CCDC73: variants seen among roughly 807,000 people sequenced by gnomAD.
The protein encoded by CCDC73 is coiled-coil domain-containing protein 73.
CCDC73 carries 95 observed loss-of-function variants against 116.5 expected under a neutral mutation model. The observed-to-expected ratio is 0.82, with a 90% CI of 0.69 to 0.97. The LOEUF is 0.97. Among genes scored for constraint, CCDC73 ranks in the 50% least tolerant of loss-of-function variants. CCDC73 has a pLI of 0.00. For synonymous variants in CCDC73, 398 were observed against 401.3 expected, an observed-to-expected ratio of 0.99 and a Z score of 0.10; for missense variants, 1,066 against 1,206.8, an observed-to-expected ratio of 0.88 and a Z score of 1.73.
At chr11:32,672,960 G>A (rs540399106) in intron 9 of CCDC73, among the ~76,000 whole-genome samples, 61 of 152,168 alleles carry the variant, frequency 4.0e-4, no homozygotes, top group East Asian at 1.4e-3. Flanking sequence ...TAACAGTGAA[G>A]ATATACATAT....
the CCDC73 span, among the ~76,000 whole-genome samples, chr11:32,812,566 G>T: frequency 1.3e-5 from 2 of 152,124 alleles, no homozygotes; most frequent in Non-Finnish European, 2.9e-5. Context: ...CTACTCGGGA[G>T]GCTGAGGCAG....
intron 1 of CCDC73, among the ~76,000 whole-genome samples, chr11:32,763,624 C>G (rs1850412052): frequency 6.6e-6 from 1 of 152,064 alleles, no homozygotes; most frequent in African/African-American, 2.4e-5. Flanking sequence ...ATGTCACCAT[C>G]ATCAAAGACC....
chr11:32,652,522 T>G (rs1384431393), intron 12 of CCDC73, among the ~76,000 whole-genome samples: 1 of 152,160 alleles, frequency 6.6e-6, no homozygotes, highest in Non-Finnish European at 1.5e-5. Context: ...TCCTGTACAT[T>G]TCTTCACTCA....
intron 9 of CCDC73, among the ~76,000 whole-genome samples, chr11:32,658,907 G>A (rs1855897520): frequency 6.6e-6 from 1 of 152,074 alleles, no homozygotes; most frequent in African/African-American, 2.4e-5. Context: ...AATGCGAAAG[G>A]AAGAAACACA....
At chr11:32,651,341 T>C (rs1855824436) in intron 12 of CCDC73, among the ~76,000 whole-genome samples, 1 of 152,196 alleles carries the variant, frequency 6.6e-6, no homozygotes, top group East Asian at 1.9e-4. Flanking sequence ...AGACAACTGT[T>C]GTTATGTCTC....
chr11:32,633,122 C>T (rs767466563), intron 14 of CCDC73, among the ~76,000 whole-genome samples: 8 of 152,124 alleles, frequency 5.3e-5, no homozygotes, highest in Admixed American at 3.9e-4. Context: ...GGCACGATCT[C>T]GGCTCACTGC....
At chr11:32,723,335 T>C (rs1265595979) in intron 2 of CCDC73, among the ~76,000 whole-genome samples, 1 of 152,184 alleles carries the variant, frequency 6.6e-6, no homozygotes, top group African/African-American at 2.4e-5. Context: ...CAAATACTAT[T>C]AAGAAAGAGA....
At chr11:32,629,921 CA>C (rs367693675) in intron 14 of CCDC73, among the ~76,000 whole-genome samples, 20 of 55,674 alleles carry the variant, frequency 3.6e-4, no homozygotes, top group Non-Finnish European at 4.1e-4. Context: ...AGCAGATATG[CA>C]AAAAAAAAAA....
intron 6 of CCDC73, among the ~76,000 whole-genome samples, chr11:32,685,579 CAG>C (rs1856190331): frequency 6.6e-6 from 1 of 151,988 alleles, no homozygotes; most frequent in African/African-American, 2.4e-5. Flanking sequence ...AAGAGCAGTT[CAG>C]AGAGGGGCAA....
At chr11:32,804,912 T>TG in the CCDC73 span, among the ~76,000 whole-genome samples, 2,680 of 152,324 alleles carry the variant, frequency 0.018, 82 homozygotes, top group African/African-American at 0.059. Context: ...AACCTTCACC[T>TG]GCTTCTTCCT....
intron 2 of CCDC73, among the ~76,000 whole-genome samples, chr11:32,741,950 T>C (rs959458115): frequency 2.0e-5 from 3 of 152,116 alleles, no homozygotes. Flanking sequence ...AGAATGATGG[T>C]TTCCAGCTTC....
chr11:32,752,549 G>T (rs747746390), intron 2 of CCDC73, among the ~76,000 whole-genome samples: 4 of 152,116 alleles, frequency 2.6e-5, no homozygotes, highest in Non-Finnish European at 5.9e-5. Context: ...ACTCATTCCT[G>T]AAAACTCCAG....
rs752451288 is a variant in CCDC73, at chr11:32,613,646, GA to G, written c.2671del (p.Ser891GlnfsTer12). 6.2e-7 allele frequency: 1 copy of G among 1,613,986 alleles called. No individual in the cohort carries two copies. Among genetic ancestry groups the G allele is most frequent in the South Asian group, 1.1e-5 (1 of 91,060 alleles). ...TGGAGTTTTCTCAGTTTTTTTATCT[GA>G]AGTTGAAAGATCAAAGGTTGACCTT... ...SGRSTFDLST[S>X]DKKTEKTPVY... is the part of the protein sequence containing the mutation. On this transcript the variant is annotated frameshift_variant, in exon 16 of 18. Transcript: ENST00000335185. LOFTEE classifies it high-confidence loss of function.
chr11:32,637,985 C>T (rs1187358308), intron 13 of CCDC73, among the ~76,000 whole-genome samples: 1 of 152,176 alleles, frequency 6.6e-6, no homozygotes, highest in African/African-American at 2.4e-5. Context: ...ATCTGCTTCT[C>T]CTTTCACATT....
chr11:32,612,451 T>C (rs1355660559), intron 16 of CCDC73, among the ~76,000 whole-genome samples: 2 of 151,964 alleles, frequency 1.3e-5, no homozygotes, highest in East Asian at 3.9e-4. Context: ...TATTTTTAAA[T>C]ACTGTGAAAA....
chr11:32,769,914 A>G lies in CCDC73; in HGVS notation c.-15-9656T>C, dbSNP rs146955076. Among the ~76,000 whole-genome samples the G allele has an allele frequency of 2.0e-3, 299 of 152,318 alleles. 4 individuals carry two copies. The highest frequency in any genetic ancestry group is 5.8e-3 in the Admixed American group (88 of 15,288). On this transcript the variant is annotated intron_variant, in intron 1 of 17. Transcript: ENST00000335185. ...CACATTTTATATCTGGAATCTTTGT[A>G]ACCTCCCAAAGCCAGTGGCATATAT...
At chr11:32,781,031 A>G (rs1317502811) in intron 1 of CCDC73, among the ~76,000 whole-genome samples, 1 of 152,170 alleles carries the variant, frequency 6.6e-6, no homozygotes, top group African/African-American at 2.4e-5. Flanking sequence ...GCTACTTGGG[A>G]GGCTGAGGTA....
chr11:32,653,547 G>A (rs543651053), intron 11 of CCDC73, among the ~76,000 whole-genome samples: 49 of 152,260 alleles, frequency 3.2e-4, no homozygotes, highest in African/African-American at 1.2e-3. Flanking sequence ...AATGTCATAT[G>A]AGGTATAATA....
At chr11:32,742,120 C>T (rs902518481) in intron 2 of CCDC73, among the ~76,000 whole-genome samples, 2 of 152,132 alleles carry the variant, frequency 1.3e-5, no homozygotes, top group African/African-American at 2.4e-5. Context: ...AATAAACATA[C>T]GTGTGCATGT....
Sources: gnomAD v4.1 joint callset for allele counts (sites outside exome capture counted in the v4.1 genomes callset) on GRCh38, gnomAD v4.1.1 for gene constraint, MANE v1.5 for transcripts, NCBI Gene and HGNC (gene_info 2026-07-23, HGNC 2026-07-21) for gene names.